The following FSTL4 variants were observed in gnomAD, a reference collection of about 807,000 sequenced individuals.
The protein encoded by FSTL4 is follistatin like 4, also known as follistatin-related protein 4.
Under a neutral mutation model 78.2 loss-of-function variants are expected in FSTL4, and 28 were observed. The ratio of observed to expected loss-of-function variants is 0.36; its 90% CI spans 0.27 to 0.49. The LOEUF (loss-of-function observed/expected upper bound fraction) is 0.49, where lower values mean the gene tolerates loss of function less well. Among genes scored for constraint, FSTL4 ranks in the 20% least tolerant of loss-of-function variants. FSTL4 has a pLI of 0.98. For synonymous variants in FSTL4, 422 were observed against 440.5 expected (o/e 0.96, Z 0.53); for missense variants, 922 against 1,084.9 (o/e 0.85, Z 2.11).
At chr5:133,594,215 C>G (rs1306495337) in intron 2 of FSTL4, among the ~76,000 whole-genome samples, 1 of 144,352 alleles carries the variant, frequency 6.9e-6, no homozygotes, top group East Asian at 2.2e-4. Context: ...TTTATTGAGA[C>G]AGTCTCACTC....
At chr5:133,804,231 T>G in the FSTL4 span, among the ~76,000 whole-genome samples, 1 of 152,116 alleles carries the variant, frequency 6.6e-6, no homozygotes, top group East Asian at 1.9e-4. Flanking sequence ...AAGACCAAAG[T>G]CTCCCCACAG....
chr5:133,636,818 A>T, the FSTL4 span, among the ~76,000 whole-genome samples: 1 of 152,212 alleles, frequency 6.6e-6, no homozygotes, highest in Non-Finnish European at 1.5e-5. Context: ...CAAACATGAA[A>T]AAACAGGAAT....
At chr5:133,655,228 A>G in the FSTL4 span, among the ~76,000 whole-genome samples, 1 of 151,876 alleles carries the variant, frequency 6.6e-6, no homozygotes, top group African/African-American at 2.4e-5. Context: ...CCCCATAATT[A>G]CTATCTGTGT....
chr5:133,665,070 C>T, the FSTL4 span, among the ~76,000 whole-genome samples: 2 of 152,152 alleles, frequency 1.3e-5, no homozygotes, highest in Admixed American at 6.5e-5. Flanking sequence ...GTTATAATGG[C>T]CCCAAATGAA....
intron 6 of FSTL4, among the ~76,000 whole-genome samples, chr5:133,301,844 G>C (rs1473051328): frequency 6.6e-6 from 1 of 152,060 alleles, no homozygotes; most frequent in Non-Finnish European, 1.5e-5. Context: ...GAATTCTAGT[G>C]GAAGCCCAAA....
At chr5:133,524,806 G>A (rs31329) in intron 3 of FSTL4, among the ~76,000 whole-genome samples, 7,844 of 152,286 alleles carry the variant, frequency 0.052, 274 homozygotes, top group Non-Finnish European at 0.074. Flanking sequence ...CCCGCTGCCT[G>A]GCCCAGCTAG....
chr5:133,678,117 T>C, the FSTL4 span, among the ~76,000 whole-genome samples: 39,451 of 152,106 alleles, frequency 0.26, 5,242 homozygotes, highest in Admixed American at 0.33. Flanking sequence ...ATATTGTTAT[T>C]AACTACAGTC....
At chr5:133,370,148 A>G (rs545916125) in intron 4 of FSTL4, among the ~76,000 whole-genome samples, 32 of 152,184 alleles carry the variant, frequency 2.1e-4, no homozygotes, top group East Asian at 7.7e-4. Flanking sequence ...TTCATCTTCA[A>G]TCATGCCCTA....
chr5:133,685,262 G>T, the FSTL4 span, among the ~76,000 whole-genome samples: 127 of 152,326 alleles, frequency 8.3e-4, 1 homozygote, highest in Non-Finnish European at 1.5e-3. Context: ...CTAGAAATCT[G>T]TCTTTGAGAT....
intron 4 of FSTL4, among the ~76,000 whole-genome samples, chr5:133,386,194 T>C (rs1423933720): frequency 2.0e-5 from 3 of 152,216 alleles, no homozygotes; most frequent in Non-Finnish European, 4.4e-5. Context: ...GCATGTCACA[T>C]GGGCTCTTTG....
At position 133,210,287 on chromosome 5, in the gene FSTL4, C is replaced by T; in HGVS notation, c.1620G>A (p.Val540=). Reference sequence around the variant, plus strand: ...AGGACAGCTTAGCCGGCAGAGGGTCCACACCTATGGACTTGAAAAAAAATA... The same window carrying T: ...AGGACAGCTTAGCCGGCAGAGGGTCTACACCTATGGACTTGAAAAAAAATA... The part of the protein sequence containing the change: ...QAQKVLQSIG[V]DPLPAKLSYD... The change falls in exon 14 of 16, where the codon GTG becomes GTA. Residue 540 remains valine, a synonymous_variant. Transcript: ENST00000265342. The T allele has an allele frequency of 6.3e-7, 1 of 1,598,068 alleles. No homozygotes were observed. The highest frequency in any genetic ancestry group is 1.1e-5 in the South Asian group (1 of 90,730).
chr5:133,405,303 A>T (rs1756332013), intron 3 of FSTL4, among the ~76,000 whole-genome samples: 1 of 152,230 alleles, frequency 6.6e-6, no homozygotes. Flanking sequence ...GCGTGAATGC[A>T]GAAGACCAGA....
At chr5:133,693,983 T>A in the FSTL4 span, among the ~76,000 whole-genome samples, 1 of 152,194 alleles carries the variant, frequency 6.6e-6, no homozygotes, top group Non-Finnish European at 1.5e-5. Context: ...AGAAACCTCC[T>A]CACAGACATG....
chr5:133,522,923 T>C (rs1049821687), intron 3 of FSTL4, among the ~76,000 whole-genome samples: 7 of 152,204 alleles, frequency 4.6e-5, no homozygotes, highest in African/African-American at 1.2e-4. Context: ...TTGGGTATAA[T>C]TAAGGCATCG....
intron 3 of FSTL4, among the ~76,000 whole-genome samples, chr5:133,470,636 T>C (rs1757802203): frequency 6.6e-6 from 1 of 151,964 alleles, no homozygotes; most frequent in African/African-American, 2.4e-5. Context: ...TCACAGCTAC[T>C]CAGGAGGCTG....
the FSTL4 span, among the ~76,000 whole-genome samples, chr5:133,829,720 T>A: frequency 6.6e-6 from 1 of 152,198 alleles, no homozygotes; most frequent in African/African-American, 2.4e-5. Flanking sequence ...TAGAAGAACC[T>A]CATGCCAATT....
rs1761088228 is a variant in FSTL4, at chr5:133,611,333, A to G, written c.-11+992T>C. 2.0e-5 allele frequency among the ~76,000 whole-genome samples: 3 copies of G among 152,144 alleles called. No homozygotes were observed. The highest frequency in any genetic ancestry group is 4.4e-5 in the Non-Finnish European group (3 of 68,000). On this transcript the variant is annotated intron_variant, in intron 1 of 15. Transcript: ENST00000265342. The surrounding 1 kb of genome is among the most constrained non-coding windows in gnomAD (Gnocchi z 4.9). ...CTCGGCGGCTTTCCGCTCCCGCAAG[A>G]GTTGCGGGCACAAAGTCCTCAGGTG... is the stretch of plus-strand genomic sequence containing the variant.
the FSTL4 span, among the ~76,000 whole-genome samples, chr5:133,747,889 T>C: frequency 1.3e-5 from 2 of 152,138 alleles, no homozygotes; most frequent in Admixed American, 1.3e-4. Context: ...ATGGCTGATA[T>C]ACTCAGTTTT....
chr5:133,312,806 G>C (rs375017576), intron 5 of FSTL4, 29 bp from the exon 6 acceptor site: 3 of 1,612,720 alleles, frequency 1.9e-6, no homozygotes, highest in East Asian at 2.2e-5. Context: ...AACAAGGCCA[G>C]AATCAGATGA....
Sources: gnomAD v4.1 joint callset for allele counts (sites outside exome capture counted in the v4.1 genomes callset) on GRCh38, gnomAD v4.1.1 for gene constraint, Gnocchi (gnomAD v3.1) non-coding constraint, MANE v1.5 for transcripts, NCBI Gene and HGNC (gene_info 2026-07-23, HGNC 2026-07-21) for gene names.